OLFM1: variants seen among roughly 807,000 people sequenced by gnomAD.
OLFM1 encodes the protein olfactomedin 1.
Under a neutral mutation model 49.7 loss-of-function variants are expected in OLFM1, and 9 were observed. The ratio of observed to expected loss-of-function variants is 0.18; its 90% CI spans 0.11 to 0.32. The LOEUF (loss-of-function observed/expected upper bound fraction) is 0.32, where lower values mean the gene tolerates loss of function less well. Ranked by LOEUF, OLFM1 falls within the 10% of genes least tolerant of loss-of-function variation. OLFM1 has a pLI of 1.00. For missense variants in OLFM1, 369 were observed against 661.8 expected (o/e 0.56, Z 4.85); for synonymous variants, 240 against 271.8 (o/e 0.88, Z 1.15).
chr9:135,075,949 C>G lies in OLFM1; in HGVS notation c.96+147C>G, dbSNP rs1350443602. 7.1e-6 allele frequency: 10 copies of G among 1,403,336 alleles called. No individual in the cohort carries two copies. The African/African-American group carries it at 1.5e-4, about 21-fold the overall frequency. 86.9% of individuals were successfully genotyped at this position (1,403,336 alleles called of 1,614,324 possible). Reference sequence around the variant, plus strand: ...GAAGTGCCGGGGTTGGGGAGGGGGCCAGGGCGCTAGGCTGGACCTGGGTGG... The same window carrying G: ...GAAGTGCCGGGGTTGGGGAGGGGGCGAGGGCGCTAGGCTGGACCTGGGTGG... On this transcript the variant is annotated intron_variant, in intron 1 of 5. Coordinates refer to the OLFM1 transcript ENST00000252854.
At chr9:135,082,201 A>G (rs1433419297) in intron 1 of OLFM1, among the ~76,000 whole-genome samples, 1 of 152,158 alleles carries the variant, frequency 6.6e-6, no homozygotes, top group South Asian at 2.1e-4. Flanking sequence ...TGAAAAGTTG[A>G]GATGAAAGAG....
At chr9:135,076,983 C>T (rs531064268) in intron 1 of OLFM1, 15 of 1,550,490 alleles carry the variant, frequency 9.7e-6, no homozygotes, top group African/African-American at 9.6e-5. Flanking sequence ...GGGGTTATGT[C>T]GTCCCGCTTA....
At chr9:135,108,864 A>G (rs942088240) in intron 5 of OLFM1, among the ~76,000 whole-genome samples, 7 of 152,098 alleles carry the variant, frequency 4.6e-5, no homozygotes, top group African/African-American at 1.7e-4. Context: ...GAAGGGTCTC[A>G]GGATCATGGA....
rs1410497289 is a variant in OLFM1, at chr9:135,087,980, T to C, written c.-10T>C. Reference sequence around the variant, plus strand: ...GCTCGGAGCGGGCGCTGGAGGCAGCTCGAGGCGCGATGTCGGTGCCGCTGC... The same window carrying C: ...GCTCGGAGCGGGCGCTGGAGGCAGCCCGAGGCGCGATGTCGGTGCCGCTGC... On this transcript the variant is annotated 5_prime_UTR_variant, in exon 1 of 6. Coordinates refer to ENST00000371793, the MANE Select transcript of OLFM1 (RefSeq NM_001282611.2). 3.5e-6 allele frequency: 5 copies of C among 1,437,868 alleles called. No individual in the cohort carries two copies. The highest frequency in any genetic ancestry group is 3.7e-6 in the Non-Finnish European group (4 of 1,085,204). 89.1% of individuals were successfully genotyped at this position (1,437,868 alleles called of 1,614,324 possible).
chr9:135,116,368 C>T (rs1326908994), intron 5 of OLFM1, among the ~76,000 whole-genome samples: 1 of 152,162 alleles, frequency 6.6e-6, no homozygotes, highest in Non-Finnish European at 1.5e-5. Context: ...CCGATTCTCC[C>T]TCCCACCCCC....
At chr9:135,103,043 C>T (rs56233551) in intron 4 of OLFM1, among the ~76,000 whole-genome samples, 51,411 of 152,148 alleles carry the variant, frequency 0.34, 10,110 homozygotes, top group African/African-American at 0.55. Context: ...GCGCTCTGCC[C>T]TCTGAGCCCG....
chr9:135,098,349 G>T lies in OLFM1; in HGVS notation c.520G>T (p.Asp174Tyr). 1 of 1,613,918 alleles carries T rather than the reference G, an allele frequency of 6.2e-7. No homozygotes were observed. Among genetic ancestry groups the T allele is most frequent in the Admixed American group, 1.7e-5 (1 of 60,028 alleles). ...LIPVLEEYKA[D>Y]AKLVLQFKEE... The stretch of plus-strand genomic sequence containing the variant: ...ACCTGTGTTGGAAGAGTACAAGGCC[G>T]ATGCCAAATTGGTATTGCAGTTTAA... Residue 174 changes from aspartate to tyrosine, a missense_variant, in exon 4 of 6, where the codon GAT becomes TAT. This residue lies in a region of OLFM1 where 294 missense variants were observed against 567.5 expected (regional missense o/e 0.52). Transcript: ENST00000371793. This position sits in a 1 kb window ranked among gnomAD's most constrained non-coding sequence, Gnocchi z 5.6.
chr9:135,091,058 C>T (rs1407224999), intron 2 of OLFM1, among the ~76,000 whole-genome samples: 1 of 152,222 alleles, frequency 6.6e-6, no homozygotes, highest in Admixed American at 6.5e-5. Context: ...AAATTTGGCT[C>T]CCAAGGGGTG....
In OLFM1 at chr9:135,113,070, C is replaced by G. The variant is rs1453642174; in HGVS notation, c.783+6215C>G. ...TGTGCAAGATCCAGACCAGCGTGCACGCTTCCTAATGCACAGAGCATGTGG... is the reference window on the plus strand; with the variant it reads ...TGTGCAAGATCCAGACCAGCGTGCAGGCTTCCTAATGCACAGAGCATGTGG... On this transcript the variant is annotated intron_variant, in intron 5 of 5. Transcript: ENST00000371793. The surrounding 1 kb of genome is among the most constrained non-coding windows in gnomAD (Gnocchi z 4.0). Among the ~76,000 whole-genome samples, 1 of 152,150 alleles carries G rather than the reference C, an allele frequency of 6.6e-6. No individual in the cohort carries two copies. The highest frequency in any genetic ancestry group is 1.5e-5 in the Non-Finnish European group (1 of 68,026).
At chr9:135,108,928 T>G (rs1225050401) in intron 5 of OLFM1, among the ~76,000 whole-genome samples, 1 of 151,552 alleles carries the variant, frequency 6.6e-6, no homozygotes, top group East Asian at 1.9e-4. Flanking sequence ...TATACCACCC[T>G]CCCCCTACAA....
intron 4 of OLFM1, among the ~76,000 whole-genome samples, chr9:135,101,320 G>A (rs1391222578): frequency 6.6e-6 from 1 of 152,194 alleles, no homozygotes; most frequent in Non-Finnish European, 1.5e-5. Context: ...CAGGTTCCAT[G>A]GTCTAGTGAA....
Position 135,119,785 on chromosome 9 carries a change from C to A in OLFM1, c.1065C>A (p.Ile355=), listed in dbSNP as rs140240856. The change falls in exon 6 of 6, where the codon ATC becomes ATA. Residue 355 remains isoleucine (I), a synonymous_variant. Coordinates refer to ENST00000371793, the MANE Select transcript of OLFM1 (RefSeq NM_001282611.2). ...ACGCCTGGGGTGGCCACTCGGACAT[C>A]GACCTCATGGTGGACGAGAGCGGGC... ...YHYAWGGHSD[I]DLMVDESGLW... The A allele has an allele frequency of 6.2e-7, 1 of 1,613,882 alleles. No homozygotes were observed. Among genetic ancestry groups the A allele is most frequent in the Non-Finnish European group, 8.5e-7 (1 of 1,180,042 alleles).
At chr9:135,097,446 C>T (rs1034340834) in intron 3 of OLFM1, among the ~76,000 whole-genome samples, 3 of 152,160 alleles carry the variant, frequency 2.0e-5, no homozygotes, top group Non-Finnish European at 4.4e-5. Flanking sequence ...ACTCCTCTAA[C>T]GAGGGGGGTG....
intron 4 of OLFM1, among the ~76,000 whole-genome samples, chr9:135,099,426 AC>A (rs1830841651): frequency 1.3e-5 from 2 of 152,188 alleles, no homozygotes; most frequent in Admixed American, 1.3e-4. Flanking sequence ...TCCCTTCCAC[AC>A]ACACACACTC....
upstream of OLFM1, chr9:135,087,528 C>T: frequency 7.6e-7 from 1 of 1,320,752 alleles, no homozygotes; most frequent in Non-Finnish European, 9.9e-7. Context: ...GTTTGCAGAC[C>T]TCGCTGCCAG....
In OLFM1 at chr9:135,120,434, G is replaced by A. The variant is rs1208977612; in HGVS notation, c.*256G>A. ...GCGCCCCGGTTTTCCTCCCCGCCCT[G>A]TCCCTCTCTGGTCAAACAACATACT... On this transcript the variant is annotated 3_prime_UTR_variant, in exon 6 of 6. Coordinates refer to ENST00000371793, the MANE Select transcript of OLFM1 (RefSeq NM_001282611.2). The A allele has an allele frequency of 3.8e-6, 2 of 531,314 alleles. No individual in the cohort carries two copies. The highest frequency in any genetic ancestry group is 3.2e-5 in the East Asian group (1 of 30,832). 32.9% of individuals were successfully genotyped at this position (531,314 alleles called of 1,614,324 possible). A position where few individuals can be genotyped will look rare whatever the true frequency, so the allele number is the denominator to read the frequency against.
chr9:135,090,386 T>TG (rs1554752667), intron 2 of OLFM1, 42 bp downstream of exon 2: 62 of 1,203,738 alleles, frequency 5.2e-5, no homozygotes, highest in Non-Finnish European at 6.6e-5. Flanking sequence ...GTGTGTGTGT[T>TG]TGTGTGTGTG....
intron 4 of OLFM1, among the ~76,000 whole-genome samples, chr9:135,103,763 T>C (rs1830901909): frequency 1.3e-5 from 2 of 152,188 alleles, no homozygotes; most frequent in Non-Finnish European, 2.9e-5. Context: ...TGATGCCTCC[T>C]GACCTCTGTG....
chr9:135,084,759 G>A (rs7869395), upstream of OLFM1, among the ~76,000 whole-genome samples: 35,294 of 152,034 alleles, frequency 0.23, 4,950 homozygotes, highest in African/African-American at 0.39. This position sits in a 1 kb window ranked among gnomAD's most constrained non-coding sequence, Gnocchi z 4.6. Flanking sequence ...AAGGAGCATC[G>A]GGAAGTGGCC....
Sources: allele counts gnomAD v4.1 joint callset (sites outside exome capture counted in the v4.1 genomes callset), GRCh38; gene constraint gnomAD v4.1.1; regional missense constraint gnomAD v4.1.1; non-coding constraint Gnocchi (gnomAD v3.1); transcripts MANE v1.5; gene names NCBI Gene and HGNC (gene_info 2026-07-23, HGNC 2026-07-21).